COMMD10: variants seen among roughly 807,000 people sequenced by gnomAD.
COMMD10 encodes COMM domain-containing protein 10.
Under a neutral mutation model 28.9 loss-of-function variants are expected in COMMD10, and 33 were observed. That is an observed-to-expected ratio of 1.14 (90% CI 0.87 to 1.53). The LOEUF (loss-of-function observed/expected upper bound fraction) is 1.53, where lower values mean the gene tolerates loss of function less well. Ranked by LOEUF, COMMD10 falls within the 40% of genes most tolerant of loss-of-function variation. The probability of loss-of-function intolerance (pLI) is 0.00; values close to 1 mark genes in which losing one functional copy is unlikely to be tolerated. For synonymous variants in COMMD10, 110 were observed against 81.7 expected (o/e 1.35, Z -1.87); for missense variants, 310 against 233.4 (o/e 1.33, Z -2.14).
intron 5 of COMMD10, among the ~76,000 whole-genome samples, chr5:116,155,777 C>G (rs114243957): frequency 0.018 from 2,681 of 152,144 alleles, 48 homozygotes; most frequent in Middle Eastern, 0.024. Context: ...AGTTTCTACT[C>G]TTGTAGGCTT....
rs987516006 is a variant in COMMD10, at chr5:116,293,156, G to A, written c.*667G>A. On this transcript the variant is annotated 3_prime_UTR_variant, in exon 7 of 7. Transcript: ENST00000274458. ...TAATGATTCACTTTATAGTTTGGGA[G>A]ACAGAATCAGGTCTTGAATAAAATA... 2.5e-6 allele frequency: 1 copy of A among 392,668 alleles called. No homozygotes were observed. Among genetic ancestry groups the A allele is most frequent in the Admixed American group, 4.4e-5 (1 of 22,570 alleles). 24.3% of individuals were successfully genotyped at this position (392,668 alleles called of 1,614,324 possible). A position where few individuals can be genotyped will look rare whatever the true frequency, so the allele number is the denominator to read the frequency against.
chr5:116,176,043 C>A (rs995080664), intron 5 of COMMD10, among the ~76,000 whole-genome samples: 1 of 134,348 alleles, frequency 7.4e-6, no homozygotes, highest in African/African-American at 3.7e-5. Flanking sequence ...GTATATTTTA[C>A]CACAATTTAG....
intron 5 of COMMD10, among the ~76,000 whole-genome samples, chr5:116,151,601 G>C (rs533764990): frequency 5.3e-5 from 8 of 152,066 alleles, no homozygotes; most frequent in South Asian, 2.1e-4. Flanking sequence ...TATATGTGTC[G>C]AGGAATTTAT....
chr5:116,175,877 G>A (rs1233540220), intron 5 of COMMD10, among the ~76,000 whole-genome samples: 1 of 152,072 alleles, frequency 6.6e-6, no homozygotes, highest in Non-Finnish European at 1.5e-5. Context: ...GGGGGAATGA[G>A]GAGTAGGGAG....
chr5:116,153,201 T>C (rs528605638), intron 5 of COMMD10, among the ~76,000 whole-genome samples: 1 of 152,210 alleles, frequency 6.6e-6, no homozygotes, highest in African/African-American at 2.4e-5. Flanking sequence ...ACAGGATAAG[T>C]TTAAAAATAC....
chr5:116,280,668 A>T (rs577946694), intron 5 of COMMD10, among the ~76,000 whole-genome samples: 1 of 151,940 alleles, frequency 6.6e-6, no homozygotes, highest in South Asian at 2.1e-4. Flanking sequence ...ACAGTTGTAA[A>T]TGTAAGTAGA....
intron 5 of COMMD10, among the ~76,000 whole-genome samples, chr5:116,242,001 C>G (rs1464441498): frequency 6.6e-6 from 1 of 152,136 alleles, no homozygotes; most frequent in Non-Finnish European, 1.5e-5. Context: ...TAGTTTCTGT[C>G]TTACATTAAA....
At chr5:116,221,133 A>G (rs1749242695) in intron 5 of COMMD10, among the ~76,000 whole-genome samples, 1 of 149,194 alleles carries the variant, frequency 6.7e-6, no homozygotes, top group African/African-American at 2.5e-5. Flanking sequence ...CCTTTGAGAT[A>G]CACTTTCAGG....
intron 5 of COMMD10, among the ~76,000 whole-genome samples, chr5:116,200,844 G>A (rs899727454): frequency 2.0e-5 from 3 of 152,174 alleles, no homozygotes; most frequent in African/African-American, 7.2e-5. Flanking sequence ...ATTAATCACA[G>A]TTGTTTTAAA....
At chr5:116,087,897 G>A (rs1455136801) in intron 2 of COMMD10, among the ~76,000 whole-genome samples, 1 of 152,084 alleles carries the variant, frequency 6.6e-6, no homozygotes, top group African/African-American at 2.4e-5. Context: ...TTTTATTATG[G>A]TATATATTTT....
At chr5:116,248,574 G>GT (rs1248267726) in intron 5 of COMMD10, among the ~76,000 whole-genome samples, 2 of 151,790 alleles carry the variant, frequency 1.3e-5, no homozygotes, top group African/African-American at 4.8e-5. Flanking sequence ...GTTTTGTTTT[G>GT]TTTTAATACA....
At chr5:116,219,297 C>A (rs1292126228) in intron 5 of COMMD10, among the ~76,000 whole-genome samples, 2 of 152,084 alleles carry the variant, frequency 1.3e-5, no homozygotes, top group South Asian at 2.1e-4. Flanking sequence ...TCTCCCTTTC[C>A]CTTCCCCTTC....
chr5:116,265,609 T>C (rs1750563335), intron 5 of COMMD10, among the ~76,000 whole-genome samples: 1 of 151,812 alleles, frequency 6.6e-6, no homozygotes. Context: ...TTATTAAACA[T>C]CTGTTGTATT....
At chr5:116,248,248 A>G (rs549162994) in intron 5 of COMMD10, among the ~76,000 whole-genome samples, 1 of 152,098 alleles carries the variant, frequency 6.6e-6, no homozygotes, top group African/African-American at 2.4e-5. Context: ...CTTAATTACA[A>G]TTTAGGAGTG....
At chr5:116,212,665 G>A (rs1748998185) in intron 5 of COMMD10, among the ~76,000 whole-genome samples, 1 of 152,014 alleles carries the variant, frequency 6.6e-6, no homozygotes, top group African/African-American at 2.4e-5. Flanking sequence ...ACATTTTATT[G>A]AAATTAAATA....
At chr5:116,232,879 A>G (rs1449397800) in intron 5 of COMMD10, among the ~76,000 whole-genome samples, 2 of 152,198 alleles carry the variant, frequency 1.3e-5, no homozygotes, top group Non-Finnish European at 2.9e-5. Context: ...ACAGGACAAG[A>G]CAAAGAGAAG....
Position 116,293,233 on chromosome 5 carries a change from ATTCTC to A in COMMD10, c.*747_*751del. 1 of 374,840 alleles carries A rather than the reference ATTCTC, an allele frequency of 2.7e-6. No individual in the cohort carries two copies. Among genetic ancestry groups the A allele is most frequent in the Non-Finnish European group, 4.7e-6 (1 of 211,244 alleles). 23.2% of individuals were successfully genotyped at this position (374,840 alleles called of 1,614,324 possible). ...ATTATTCGAATCAGATACCTTTTAT[ATTCTC>A]TTTCCATAAATACGTTGATTTCTGT... On this transcript the variant is annotated 3_prime_UTR_variant, in exon 7 of 7. Coordinates refer to ENST00000274458, the MANE Select transcript of COMMD10 (RefSeq NM_016144.4).
intron 5 of COMMD10, among the ~76,000 whole-genome samples, chr5:116,157,634 A>G (rs1752761284): frequency 6.6e-6 from 1 of 152,214 alleles, no homozygotes; most frequent in Admixed American, 6.5e-5. Context: ...GCCAGATTTA[A>G]GGAATAGGGA....
intron 5 of COMMD10, among the ~76,000 whole-genome samples, chr5:116,171,167 G>A (rs189467493): frequency 0.013 from 1,961 of 152,196 alleles, 42 homozygotes; most frequent in African/African-American, 0.044. Flanking sequence ...AATGGGCAAA[G>A]GATAGGAACA....
Sources: gnomAD v4.1 joint callset for allele counts (sites outside exome capture counted in the v4.1 genomes callset) on GRCh38, gnomAD v4.1.1 for gene constraint, MANE v1.5 for transcripts, NCBI Gene and HGNC (gene_info 2026-07-23, HGNC 2026-07-21) for gene names.